ANKRD55: variants seen among roughly 807,000 people sequenced by gnomAD.
The protein encoded by ANKRD55 is ankyrin repeat domain-containing protein 55.
Under a neutral mutation model 60.6 loss-of-function variants are expected in ANKRD55, and 41 were observed. The observed-to-expected ratio is 0.68, with a 90% confidence interval of 0.53 to 0.88. The LOEUF is 0.88. ANKRD55 is among the 40% of genes least tolerant of loss of function. The pLI is 0.00. For missense variants in ANKRD55, 732 were observed against 767.6 expected (o/e 0.95, Z 0.55); for synonymous variants, 264 against 290.3 (o/e 0.91, Z 0.92).
At chr5:56,167,160 C>A (rs1483639990) in intron 5 of ANKRD55, among the ~76,000 whole-genome samples, 1 of 152,198 alleles carries the variant, frequency 6.6e-6, no homozygotes, top group Non-Finnish European at 1.5e-5. Flanking sequence ...GGAATACTTT[C>A]TGAGAAATGT....
At chr5:56,140,399 G>A (rs1029523404) in intron 7 of ANKRD55, among the ~76,000 whole-genome samples, 37 of 152,318 alleles carry the variant, frequency 2.4e-4, no homozygotes, top group African/African-American at 8.2e-4. Flanking sequence ...TTAGCCTTTT[G>A]TGGGTAGTCA....
chr5:56,171,013 C>T (rs971160657), intron 4 of ANKRD55, among the ~76,000 whole-genome samples: 1 of 152,206 alleles, frequency 6.6e-6, no homozygotes, highest in Non-Finnish European at 1.5e-5. Flanking sequence ...TATGAGAGGA[C>T]CTTTCCCCTT....
At chr5:56,223,867 G>A (rs1760036041) in intron 2 of ANKRD55, among the ~76,000 whole-genome samples, 1 of 152,180 alleles carries the variant, frequency 6.6e-6, no homozygotes, top group Admixed American at 6.5e-5. Context: ...AAGAGACTTA[G>A]ACTCCCACAC....
At chr5:56,123,952 T>C (rs1229113527) in intron 8 of ANKRD55, among the ~76,000 whole-genome samples, 1 of 152,150 alleles carries the variant, frequency 6.6e-6, no homozygotes, top group Non-Finnish European at 1.5e-5. Context: ...GGCCCATGAT[T>C]CAGAAGGAAT....
chr5:56,144,049 G>C (rs1443582290), intron 6 of ANKRD55, 120 bp from the exon 7 acceptor site: 2 of 1,289,032 alleles, frequency 1.6e-6, no homozygotes, highest in East Asian at 4.6e-5. Context: ...GTTTCCTGCT[G>C]GTTCATTCAT....
Position 56,217,805 on chromosome 5 carries a change from A to G in ANKRD55, c.58+15051T>C, listed in dbSNP as rs1344288162. Among the ~76,000 whole-genome samples, 4 of 151,864 alleles carry G rather than the reference A, an allele frequency of 2.6e-5. No individual in the cohort carries two copies. In the South Asian group the frequency reaches 8.3e-4, roughly 31 times the overall value. ...CAGCTACTTGGGAGGCTGAGGCAGG[A>G]GAATGGCATGAACCCAGGCGGCAGA... On this transcript the variant is annotated intron_variant, in intron 2 of 11. Transcript: ENST00000341048.
intron 10 of ANKRD55, among the ~76,000 whole-genome samples, chr5:56,109,071 ACACAC>A: frequency 1.4e-5 from 2 of 140,024 alleles, no homozygotes; most frequent in Non-Finnish European, 3.3e-5. Context: ...ACACACACAC[ACACAC>A]ACACCCCACC....
At chr5:56,131,795 C>CAAAAAAAAA (rs34898025) in intron 7 of ANKRD55, among the ~76,000 whole-genome samples, 3 of 26,786 alleles carry the variant, frequency 1.1e-4, no homozygotes, top group Non-Finnish European at 2.1e-4. Flanking sequence ...GACTCCGTCT[C>CAAAAAAAAA]AAAAAAAAAA....
In ANKRD55 at chr5:56,127,244, G is replaced by GA. The variant is rs942580888; in HGVS notation, c.613-139dup. 3.8e-5 allele frequency: 49 copies of GA among 1,295,078 alleles called. No individual in the cohort carries two copies. In the South Asian group the frequency reaches 4.5e-4, roughly 12 times the overall value. 80.2% of individuals were successfully genotyped at this position (1,295,078 alleles called of 1,614,324 possible). The stretch of plus-strand genomic sequence containing the variant: ...AAAGATGAAAAGAGAAAAGGAAATG[G>GA]AAAAAAAAGAATAAAAATACACTCT... On this transcript the variant is annotated intron_variant, in intron 7 of 11. Transcript: ENST00000341048.
At chr5:56,101,694 C>T (rs1483516265) in intron 11 of ANKRD55, among the ~76,000 whole-genome samples, 1 of 151,684 alleles carries the variant, frequency 6.6e-6, no homozygotes, top group East Asian at 1.9e-4. Flanking sequence ...GATCACTGGC[C>T]CAATGGAGTA....
intron 2 of ANKRD55, among the ~76,000 whole-genome samples, chr5:56,189,390 G>A (rs2111840788): frequency 6.6e-6 from 1 of 151,196 alleles, no homozygotes; most frequent in African/African-American, 2.4e-5. Flanking sequence ...CAGTTCAATT[G>A]CATTATGTCC....
chr5:56,211,117 G>A (rs1208866805), intron 2 of ANKRD55, among the ~76,000 whole-genome samples: 1 of 152,142 alleles, frequency 6.6e-6, no homozygotes, highest in East Asian at 1.9e-4. Context: ...CCCAGTCAAA[G>A]TTCTTAGCTT....
chr5:56,177,617 CA>C (rs1447686016), intron 3 of ANKRD55, among the ~76,000 whole-genome samples: 1 of 151,272 alleles, frequency 6.6e-6, no homozygotes, highest in Non-Finnish European at 1.5e-5. Flanking sequence ...TCTAAAAATT[CA>C]AAAAAAATTA....
At chr5:56,155,903 TATACAC>T (rs929617005) in intron 6 of ANKRD55, among the ~76,000 whole-genome samples, 2 of 151,286 alleles carry the variant, frequency 1.3e-5, no homozygotes, top group South Asian at 2.1e-4. Context: ...GATACATATA[TATACAC>T]ATACACATAC....
intron 7 of ANKRD55, among the ~76,000 whole-genome samples, chr5:56,134,659 A>G (rs1235527166): frequency 1.3e-5 from 2 of 152,128 alleles, no homozygotes; most frequent in Non-Finnish European, 2.9e-5. Flanking sequence ...AGATGTATTC[A>G]CTGGTAAATT....
At chr5:56,215,770 C>T (rs535188343) in intron 2 of ANKRD55, among the ~76,000 whole-genome samples, 21 of 152,188 alleles carry the variant, frequency 1.4e-4, no homozygotes, top group Admixed American at 3.9e-4. Flanking sequence ...GTCTGTGGCA[C>T]GGATTAAGTG....
intron 2 of ANKRD55, among the ~76,000 whole-genome samples, chr5:56,226,142 C>G (rs972331755): frequency 1.3e-5 from 2 of 152,064 alleles, no homozygotes; most frequent in Non-Finnish European, 2.9e-5. Flanking sequence ...AGATATAGAC[C>G]AATAGAACAG....
intron 2 of ANKRD55, among the ~76,000 whole-genome samples, chr5:56,212,542 A>G (rs1425341780): frequency 6.6e-6 from 1 of 152,202 alleles, no homozygotes; most frequent in Non-Finnish European, 1.5e-5. Context: ...TTACAGACGA[A>G]TTTTCTTTCA....
chr5:56,219,746 C>T (rs576643628), intron 2 of ANKRD55, among the ~76,000 whole-genome samples: 1 of 152,312 alleles, frequency 6.6e-6, no homozygotes, highest in South Asian at 2.1e-4. Flanking sequence ...CCTTTGACCT[C>T]AGTGCATCCA....
Sources: allele counts gnomAD v4.1 joint callset (sites outside exome capture counted in the v4.1 genomes callset), GRCh38; gene constraint gnomAD v4.1.1; transcripts MANE v1.5; gene names NCBI Gene and HGNC (gene_info 2026-07-23, HGNC 2026-07-21).